Variants in CNTNAP2 observed in about 807,000 individuals in gnomAD.
CNTNAP2 encodes the protein contactin associated protein 2, also known as contactin-associated protein-like 2.
In CNTNAP2, 98 loss-of-function variants were observed where a neutral mutation model predicts 155.2. That is an observed-to-expected ratio of 0.63 (90% CI 0.54 to 0.75). The LOEUF (loss-of-function observed/expected upper bound fraction) is 0.75. Ranked by LOEUF, CNTNAP2 falls within the 30% of genes least tolerant of loss-of-function variation. The pLI, the probability that CNTNAP2 is intolerant of heterozygous loss-of-function variation, is 0.00. For synonymous variants in CNTNAP2, 651 were observed against 631.2 expected, an observed-to-expected ratio of 1.03 and a Z score of -0.47; for missense variants, 1,727 against 1,688.1, an observed-to-expected ratio of 1.02 and a Z score of -0.40.
intron 1 of CNTNAP2, among the ~76,000 whole-genome samples, chr7:146,564,042 A>G (rs1798320335): frequency 6.6e-6 from 1 of 152,140 alleles, no homozygotes; most frequent in African/African-American, 2.4e-5. Flanking sequence ...CTACACATCT[A>G]CCAGTAGGCA....
intron 1 of CNTNAP2, among the ~76,000 whole-genome samples, chr7:146,744,817 C>T (rs933558179): frequency 6.6e-6 from 1 of 151,700 alleles, no homozygotes; most frequent in Non-Finnish European, 1.5e-5. Flanking sequence ...TGATTTTCCA[C>T]AAAAAAAACA....
chr7:147,041,697 C>A (rs1323548914), intron 3 of CNTNAP2, among the ~76,000 whole-genome samples: 1 of 152,118 alleles, frequency 6.6e-6, no homozygotes, highest in Non-Finnish European at 1.5e-5. Flanking sequence ...TTATTTTAGG[C>A]CTCATAAGAC....
At chr7:148,263,736 CAAAAA>C (rs112362809) in intron 20 of CNTNAP2, among the ~76,000 whole-genome samples, 28 of 108,214 alleles carry the variant, frequency 2.6e-4, no homozygotes, top group Non-Finnish European at 5.3e-4. Flanking sequence ...GACTCAGTCC[CAAAAA>C]AAAAAAAAAG....
At chr7:147,873,104 C>A (rs1047015789) in intron 13 of CNTNAP2, among the ~76,000 whole-genome samples, 1 of 152,098 alleles carries the variant, frequency 6.6e-6, no homozygotes, top group Non-Finnish European at 1.5e-5. Context: ...TAAATCTATC[C>A]TGATAGACAG....
intron 3 of CNTNAP2, among the ~76,000 whole-genome samples, chr7:146,912,989 AG>A (rs1796317814): frequency 1.3e-5 from 2 of 152,156 alleles, no homozygotes; most frequent in African/African-American, 4.8e-5. Context: ...TGTTATATGT[AG>A]ATGATGTCTT....
chr7:146,938,549 C>T (rs565993911), intron 3 of CNTNAP2, among the ~76,000 whole-genome samples: 76 of 151,904 alleles, frequency 5.0e-4, no homozygotes, highest in African/African-American at 1.7e-3. Flanking sequence ...AATCCCTCCA[C>T]TCCACATCCA....
intron 1 of CNTNAP2, among the ~76,000 whole-genome samples, chr7:146,761,506 T>C (rs1221850551): frequency 6.6e-6 from 1 of 152,122 alleles, no homozygotes; most frequent in Non-Finnish European, 1.5e-5. Flanking sequence ...AGTGTGTTTG[T>C]TCTGTTGTTG....
intron 4 of CNTNAP2, among the ~76,000 whole-genome samples, chr7:147,083,654 TA>T (rs1800193158): frequency 6.9e-6 from 1 of 143,968 alleles, no homozygotes; most frequent in African/African-American, 2.6e-5. Flanking sequence ...TCTATAATGC[TA>T]TATATACATA....
intron 1 of CNTNAP2, among the ~76,000 whole-genome samples, chr7:146,659,096 A>G (rs1289618808): frequency 1.3e-5 from 2 of 152,132 alleles, no homozygotes; most frequent in Non-Finnish European, 2.9e-5. Context: ...CTGGGTTTCA[A>G]TTTTACCCCC....
chr7:148,023,283 G>A (rs553095991), intron 15 of CNTNAP2, among the ~76,000 whole-genome samples: 2 of 152,316 alleles, frequency 1.3e-5, no homozygotes, highest in South Asian at 4.1e-4. Flanking sequence ...AGAGAGAGAT[G>A]CACTGTGACT....
intron 1 of CNTNAP2, among the ~76,000 whole-genome samples, chr7:146,165,375 T>C (rs1319224846): frequency 1.3e-5 from 2 of 152,180 alleles, no homozygotes; most frequent in Non-Finnish European, 2.9e-5. Context: ...AAACGTGGAA[T>C]ATGTTTGCTA....
intron 14 of CNTNAP2, among the ~76,000 whole-genome samples, chr7:147,944,073 A>G (rs942425930): frequency 3.9e-5 from 6 of 152,112 alleles, no homozygotes; most frequent in East Asian, 1.9e-4. Flanking sequence ...CAGTCTATCA[A>G]TCTCCATGCA....
intron 12 of CNTNAP2, among the ~76,000 whole-genome samples, chr7:147,621,692 C>G (rs1346594277): frequency 1.3e-5 from 2 of 151,812 alleles, no homozygotes; most frequent in African/African-American, 2.4e-5. Context: ...GAGAAGATCA[C>G]CTTCACTAAA....
rs528902522 is a variant in CNTNAP2 at position 146,455,061 on chromosome 7, G to T, written c.98-319210G>T. ...TGTTACCACCATCTGGAGACTGCTC[G>T]GGCTCCTCTCTCAGTCTGTGGTTTT... On this transcript the variant is annotated intron_variant, in intron 1 of 23. Coordinates refer to ENST00000361727, the MANE Select transcript of CNTNAP2 (RefSeq NM_014141.6). 2.6e-5 allele frequency among the ~76,000 whole-genome samples: 4 copies of T among 152,152 alleles called. No individual in the cohort carries two copies. In the East Asian group the frequency reaches 7.7e-4, roughly 29 times the overall value.
intron 11 of CNTNAP2, among the ~76,000 whole-genome samples, chr7:147,510,823 T>A (rs568341134): frequency 3.0e-5 from 3 of 99,474 alleles, no homozygotes; most frequent in Admixed American, 1.1e-4. Context: ...ATTTCATAAG[T>A]AAGTGCTCCT....
chr7:147,400,727 T>C (rs1231354054), intron 10 of CNTNAP2, among the ~76,000 whole-genome samples: 4 of 152,166 alleles, frequency 2.6e-5, no homozygotes, highest in African/African-American at 9.7e-5. Flanking sequence ...GTTCTCCTGA[T>C]ACAGTTGCCC....
chr7:147,239,747 A>G (rs369629389), intron 8 of CNTNAP2, among the ~76,000 whole-genome samples: 1 of 152,186 alleles, frequency 6.6e-6, no homozygotes, highest in Admixed American at 6.5e-5. Context: ...TATTCCTGCA[A>G]CATGATTTTC....
intron 13 of CNTNAP2, among the ~76,000 whole-genome samples, chr7:147,894,692 G>A (rs1799747781): frequency 6.6e-6 from 1 of 151,784 alleles, no homozygotes; most frequent in East Asian, 1.9e-4. Flanking sequence ...AGAAACAGTG[G>A]GAATGAAAGA....
At chr7:147,095,292 T>C (rs1178514816) in intron 4 of CNTNAP2, among the ~76,000 whole-genome samples, 1 of 149,226 alleles carries the variant, frequency 6.7e-6, no homozygotes, top group Admixed American at 6.8e-5. Context: ...CACCTCGGCC[T>C]CCCAAAGTGC....
Sources: allele counts gnomAD v4.1 joint callset (sites outside exome capture counted in the v4.1 genomes callset), GRCh38; gene constraint gnomAD v4.1.1; transcripts MANE v1.5; gene names NCBI Gene and HGNC (gene_info 2026-07-23, HGNC 2026-07-21).